Variants in BRAF observed in about 807,000 individuals in gnomAD.
The protein encoded by BRAF is B-Raf proto-oncogene, serine/threonine kinase, also known as serine/threonine-protein kinase B-raf.
In BRAF, 16 loss-of-function variants were observed where a neutral mutation model predicts 104.6. The ratio of observed to expected loss-of-function variants is 0.15; its 90% confidence interval spans 0.10 to 0.23. BRAF has a LOEUF of 0.23. Among genes scored for constraint, BRAF ranks in the 10% least tolerant of loss-of-function variants. BRAF has a pLI of 1.00. For missense variants in BRAF, 541 were observed against 937.3 expected, an observed-to-expected ratio of 0.58 and a Z score of 5.52; for synonymous variants, 310 against 341.6, an observed-to-expected ratio of 0.91 and a Z score of 1.02.
In BRAF at chr7:140,783,152, T is replaced by C. The variant is rs397516886; in HGVS notation, c.1303A>G (p.Thr435Ala). 6.2e-7 allele frequency: 1 copy of C among 1,614,048 alleles called. No homozygotes were observed. The highest frequency in any genetic ancestry group is 8.5e-7 in the Non-Finnish European group (1 of 1,179,964). The change falls in exon 11 of 20, where the codon ACC becomes GCC. Residue 435 changes from threonine to alanine, a missense_variant. Coordinates refer to ENST00000644969, the MANE Select transcript of BRAF (RefSeq NM_001374258.1). ...FEPGPVFRGS[T>A]TGLSATPPAS... ...GGGGGGGTAGCAGACAAACCTGTGGTTGATCCTAAATTAGTGAAAAGAAAA... is the reference window on the plus strand; with the variant it reads ...GGGGGGGTAGCAGACAAACCTGTGGCTGATCCTAAATTAGTGAAAAGAAAA...
At chr7:140,734,579 C>A (rs2130867022) in intron 19 of BRAF, 1 of 1,613,298 alleles carries the variant, frequency 6.2e-7, no homozygotes, top group Middle Eastern at 1.7e-4. Flanking sequence ...CTCTCCTGAA[C>A]TCTCTCACTC....
At chr7:140,879,541 G>C (rs1812638083) in intron 1 of BRAF, among the ~76,000 whole-genome samples, 1 of 85,370 alleles carries the variant, frequency 1.2e-5, no homozygotes, top group Admixed American at 1.6e-4. Context: ...ATGTCCAATA[G>C]CATTATTCTA....
At chr7:140,744,415 C>T (rs1300780865) in intron 17 of BRAF, among the ~76,000 whole-genome samples, 3 of 152,228 alleles carry the variant, frequency 2.0e-5, no homozygotes, top group Non-Finnish European at 4.4e-5. Context: ...TCCTATGAGT[C>T]TCTTCCCTTG....
downstream of BRAF, among the ~76,000 whole-genome samples, chr7:140,714,905 C>G (rs1487412818): frequency 6.6e-6 from 1 of 152,002 alleles, no homozygotes; most frequent in Non-Finnish European, 1.5e-5. Flanking sequence ...GTAGGAGGAG[C>G]CAGTTGTGCG....
At chr7:140,829,226 T>C (rs1005364906) in intron 3 of BRAF, among the ~76,000 whole-genome samples, 2 of 151,542 alleles carry the variant, frequency 1.3e-5, no homozygotes, top group African/African-American at 4.8e-5. Flanking sequence ...AATTTCAAAA[T>C]TGTATTTAAT....
intron 14 of BRAF, among the ~76,000 whole-genome samples, chr7:140,774,510 G>C (rs757759796): frequency 2.6e-5 from 4 of 152,100 alleles, no homozygotes; most frequent in Non-Finnish European, 5.9e-5. Flanking sequence ...ACAGGCATGA[G>C]CCACTACACC....
chr7:140,924,727 G>A lies in BRAF; in HGVS notation c.-24C>T. ...ATCTTATAACCGAGAGCCGGGGCCC[G>A]AGCGGCCGCTGTCGGGCGGGGAGGG... is the stretch of plus-strand genomic sequence containing the variant. On this transcript the variant is annotated 5_prime_UTR_variant, in exon 1 of 20. Coordinates refer to ENST00000644969, the MANE Select transcript of BRAF (RefSeq NM_001374258.1). The surrounding 1 kb of genome is among the most constrained non-coding windows in gnomAD (Gnocchi z 4.2). The A allele has an allele frequency of 2.4e-6, 2 of 833,378 alleles. No homozygotes were observed. Among genetic ancestry groups the A allele is most frequent in the South Asian group, 3.1e-5 (2 of 65,500 alleles). 51.6% of individuals were successfully genotyped at this position (833,378 alleles called of 1,614,324 possible). A position where few individuals can be genotyped will look rare whatever the true frequency, so the allele number is the denominator to read the frequency against.
intron 14 of BRAF, among the ~76,000 whole-genome samples, chr7:140,775,418 G>C (rs974819476): frequency 1.3e-5 from 2 of 151,612 alleles, no homozygotes; most frequent in African/African-American, 4.9e-5. Context: ...TGTGATCTTG[G>C]CCCACTGCAA....
intron 14 of BRAF, among the ~76,000 whole-genome samples, chr7:140,755,068 T>G (rs1200685297): frequency 6.6e-6 from 1 of 152,094 alleles, no homozygotes; most frequent in Non-Finnish European, 1.5e-5. Flanking sequence ...GGCTGGAGTG[T>G]AGTGGCACGA....
At chr7:140,809,857 G>GAGGGAA (rs1804046977) in intron 3 of BRAF, among the ~76,000 whole-genome samples, 1 of 152,098 alleles carries the variant, frequency 6.6e-6, no homozygotes, top group South Asian at 2.1e-4. Flanking sequence ...GACAGAGAAG[G>GAGGGAA]AGGGAAAGGG....
At chr7:140,869,659 A>G (rs972408356) in intron 1 of BRAF, among the ~76,000 whole-genome samples, 4 of 151,988 alleles carry the variant, frequency 2.6e-5, no homozygotes, top group Admixed American at 1.3e-4. Context: ...AGAAAAAAAA[A>G]TCACTGTTGT....
At chr7:140,827,468 T>C (rs1045298951) in intron 3 of BRAF, among the ~76,000 whole-genome samples, 5 of 152,132 alleles carry the variant, frequency 3.3e-5, no homozygotes, top group Non-Finnish European at 7.4e-5. Flanking sequence ...AATAGGTCCA[T>C]AGTTAAAAAA....
intron 10 of BRAF, among the ~76,000 whole-genome samples, chr7:140,784,926 C>T (rs1051827505): frequency 2.0e-5 from 3 of 152,120 alleles, no homozygotes; most frequent in Admixed American, 6.6e-5. Flanking sequence ...GGATTACAGG[C>T]GTGAGCCACC....
chr7:140,775,121 G>A (rs1437996557), intron 14 of BRAF, among the ~76,000 whole-genome samples: 1 of 152,128 alleles, frequency 6.6e-6, no homozygotes, highest in Non-Finnish European at 1.5e-5. Context: ...TATATAAGGT[G>A]AGCAAGGATT....
chr7:140,864,774 G>A (rs963497212), intron 1 of BRAF, among the ~76,000 whole-genome samples: 1 of 152,142 alleles, frequency 6.6e-6, no homozygotes, highest in Non-Finnish European at 1.5e-5. Context: ...AGATGTATTG[G>A]GGCTGGGAGA....
chr7:140,787,819 T>C (rs931028829), intron 8 of BRAF, among the ~76,000 whole-genome samples: 10 of 152,214 alleles, frequency 6.6e-5, no homozygotes, highest in Non-Finnish European at 8.8e-5. Context: ...TAATCAAATG[T>C]TGATGTCCAT....
intron 1 of BRAF, among the ~76,000 whole-genome samples, chr7:140,894,783 A>C (rs1814688230): frequency 6.6e-6 from 1 of 152,130 alleles, no homozygotes; most frequent in South Asian, 2.1e-4. Flanking sequence ...CATCTATTAA[A>C]AAAATAAAAA....
chr7:140,822,783 A>T (rs565791682), intron 3 of BRAF, among the ~76,000 whole-genome samples: 1 of 152,204 alleles, frequency 6.6e-6, no homozygotes, highest in South Asian at 2.1e-4. Flanking sequence ...TCTTGGGTAA[A>T]TACCGAGGAG....
chr7:140,755,680 C>T (rs760898689), intron 14 of BRAF, among the ~76,000 whole-genome samples: 1 of 152,052 alleles, frequency 6.6e-6, no homozygotes, highest in Non-Finnish European at 1.5e-5. Flanking sequence ...AATGTTATTT[C>T]GGTTATAGGT....
Sources: allele counts gnomAD v4.1 joint callset (sites outside exome capture counted in the v4.1 genomes callset), GRCh38; gene constraint gnomAD v4.1.1; non-coding constraint Gnocchi (gnomAD v3.1); transcripts MANE v1.5; gene names NCBI Gene and HGNC (gene_info 2026-07-23, HGNC 2026-07-21).